TRERF1: variants seen among roughly 807,000 people sequenced by gnomAD.
TRERF1 encodes transcriptional-regulating factor 1.
Under a neutral mutation model 122.9 loss-of-function variants are expected in TRERF1, and 27 were observed. That is an observed-to-expected ratio of 0.22 (90% CI 0.16 to 0.30). The LOEUF (loss-of-function observed/expected upper bound fraction) is 0.30. Ranked by LOEUF, TRERF1 falls within the 10% of genes least tolerant of loss-of-function variation. The pLI is 1.00. For missense variants in TRERF1, 1,248 were observed against 1,560.3 expected (o/e 0.80, Z 3.37); for synonymous variants, 636 against 641.7 (o/e 0.99, Z 0.13).
exon 18 of TRERF1, chr6:42,227,545 A>G (rs974256422): frequency 6.6e-6 from 1 of 152,222 alleles, no homozygotes; most frequent in Non-Finnish European, 1.5e-5. Context: ...TTGCCTCCAG[A>G]TGGGTCTCTA....
chr6:42,310,140 G>A (rs1582958112), intron 3 of TRERF1, among the ~76,000 whole-genome samples: 1 of 152,204 alleles, frequency 6.6e-6, no homozygotes, highest in East Asian at 1.9e-4. Flanking sequence ...GCCTCACTCT[G>A]TCACCCAGGC....
intron 2 of TRERF1, among the ~76,000 whole-genome samples, chr6:42,389,893 T>A (rs1162279228): frequency 1.3e-5 from 2 of 152,226 alleles, no homozygotes; most frequent in African/African-American, 2.4e-5. Context: ...AGAAGCTAGT[T>A]GTCTAAAGGA....
Position 42,263,652 on chromosome 6 carries a change from A to C in TRERF1, c.1636-84T>G. ...CACTTTGCTTTTCCCGAAAGGTTCCAGGACATCAGGTATGGGTGATAGAGA... is the reference window on the plus strand; with the variant it reads ...CACTTTGCTTTTCCCGAAAGGTTCCCGGACATCAGGTATGGGTGATAGAGA... On this transcript the variant is annotated intron_variant, in intron 7 of 17. Coordinates refer to ENST00000372922, the Ensembl canonical transcript of TRERF1. This position sits in a 1 kb window ranked among gnomAD's most constrained non-coding sequence, Gnocchi z 5.6. The C allele has an allele frequency of 7.1e-7, 1 of 1,401,432 alleles. No individual in the cohort carries two copies. Among genetic ancestry groups the C allele is most frequent in the Non-Finnish European group, 9.3e-7 (1 of 1,073,852 alleles). 86.8% of individuals were successfully genotyped at this position (1,401,432 alleles called of 1,614,324 possible).
At chr6:42,391,232 A>C (rs1777687171) in intron 2 of TRERF1, among the ~76,000 whole-genome samples, 1 of 152,180 alleles carries the variant, frequency 6.6e-6, no homozygotes. Context: ...GCTCAGCTAC[A>C]CTGGACTGCA....
intron 2 of TRERF1, among the ~76,000 whole-genome samples, chr6:42,414,444 T>C (rs1781550460): frequency 6.6e-6 from 1 of 152,232 alleles, no homozygotes; most frequent in Non-Finnish European, 1.5e-5. Flanking sequence ...TATCGTTTTG[T>C]GCGTTTTCTT....
At chr6:42,338,893 T>G (rs988015750) in intron 3 of TRERF1, among the ~76,000 whole-genome samples, 20 of 152,206 alleles carry the variant, frequency 1.3e-4, no homozygotes, top group African/African-American at 4.1e-4. Context: ...ATCTTTATAT[T>G]TTTTTCACAA....
intron 3 of TRERF1, among the ~76,000 whole-genome samples, chr6:42,316,650 T>G (rs1365539639): frequency 6.6e-6 from 1 of 152,184 alleles, no homozygotes; most frequent in Non-Finnish European, 1.5e-5. Context: ...TAGTTTATTG[T>G]TTTAACTTTG....
intron 2 of TRERF1, among the ~76,000 whole-genome samples, chr6:42,387,149 A>T (rs1776938964): frequency 6.6e-6 from 1 of 152,346 alleles, no homozygotes; most frequent in South Asian, 2.1e-4. Context: ...TATACACAGG[A>T]TCTAAGAATT....
chr6:42,300,788 A>G (rs192147475), intron 3 of TRERF1, 39 bp from the exon 4 acceptor site: 2 of 152,670 alleles, frequency 1.3e-5, no homozygotes, highest in Admixed American at 1.3e-4. Context: ...TTTCCTCATC[A>G]TTTGCTCCTA....
intron 2 of TRERF1, among the ~76,000 whole-genome samples, chr6:42,368,397 C>G (rs182870636): frequency 1.4e-4 from 21 of 152,210 alleles, no homozygotes; most frequent in Admixed American, 9.8e-4. Flanking sequence ...CCTCGCCCCC[C>G]CAAGTTAGGT....
chr6:42,233,717 A>C (rs1771369108), intron 16 of TRERF1, among the ~76,000 whole-genome samples: 1 of 152,216 alleles, frequency 6.6e-6, no homozygotes, highest in Admixed American at 6.5e-5. Flanking sequence ...AGTTAAAAGC[A>C]GAGGTGCTCT....
At position 42,271,603 on chromosome 6, in the gene TRERF1, C is replaced by A. The variant is rs185391471; in HGVS notation, c.-258-1755G>T. On this transcript the variant is annotated intron_variant, in intron 4 of 17. Coordinates refer to ENST00000372922, the Ensembl canonical transcript of TRERF1. Reference sequence around the variant, plus strand: ...GTTTATTTTAAAAAGTCACCCCCCCCAAAAAAAGTTACCCAGTACCACCAT... The same window carrying A: ...GTTTATTTTAAAAAGTCACCCCCCCAAAAAAAAGTTACCCAGTACCACCAT... Among the ~76,000 whole-genome samples the A allele has an allele frequency of 1.1e-3, 162 of 152,050 alleles. 1 individual carries two copies. Among genetic ancestry groups the A allele is most frequent in the Non-Finnish European group, 1.5e-3 (104 of 67,968 alleles).
intron 2 of TRERF1, among the ~76,000 whole-genome samples, chr6:42,446,165 C>T (rs536650753): frequency 1.8e-3 from 268 of 152,342 alleles, no homozygotes; most frequent in African/African-American, 5.9e-3. Context: ...CCACCCGCTT[C>T]GGCCTCCCGA....
chr6:42,434,708 A>C (rs925549276), intron 2 of TRERF1, among the ~76,000 whole-genome samples: 1 of 147,022 alleles, frequency 6.8e-6, no homozygotes, highest in Non-Finnish European at 1.5e-5. Flanking sequence ...ACACACACAC[A>C]CACCCCTAAT....
chr6:42,440,972 C>T (rs1786410021), intron 2 of TRERF1, among the ~76,000 whole-genome samples: 1 of 152,162 alleles, frequency 6.6e-6, no homozygotes, highest in Non-Finnish European at 1.5e-5. Flanking sequence ...CGAGCTCTGC[C>T]TACATTACCA....
At chr6:42,339,171 C>T (rs951019816) in intron 3 of TRERF1, among the ~76,000 whole-genome samples, 57 of 152,330 alleles carry the variant, frequency 3.7e-4, no homozygotes, top group African/African-American at 9.9e-4. Context: ...ACCAGATAAC[C>T]ACTGCCTCTA....
chr6:42,315,709 C>G (rs1055315052), intron 3 of TRERF1, among the ~76,000 whole-genome samples: 1 of 147,472 alleles, frequency 6.8e-6, no homozygotes, highest in African/African-American at 2.5e-5. Context: ...GAACACCACC[C>G]CCCCCCCCAC....
intron 2 of TRERF1, among the ~76,000 whole-genome samples, chr6:42,378,689 T>C (rs1353336564): frequency 1.3e-5 from 2 of 152,314 alleles, no homozygotes; most frequent in South Asian, 2.1e-4. Context: ...ATTCTTATTT[T>C]ATACATGAGG....
In TRERF1 at chr6:42,269,818, C is replaced by G; in HGVS notation, c.-228G>C. ...CTCCCTGGCTGAGGTATAGACCACA[C>G]AGCACTGTGGTGAGGAGACGTCGCT... On this transcript the variant is annotated 5_prime_UTR_variant, in exon 5 of 18. Transcript: ENST00000372922. The surrounding 1 kb of genome is among the most constrained non-coding windows in gnomAD (Gnocchi z 4.9). The G allele has an allele frequency of 5.7e-6, 7 of 1,235,352 alleles. No individual in the cohort carries two copies. The highest frequency in any genetic ancestry group is 7.6e-6 in the Non-Finnish European group (7 of 925,176). The allele number at this position is 1,235,352 out of a possible 1,614,324, so 76.5% of individuals were successfully genotyped here.
Sources: allele counts gnomAD v4.1 joint callset (sites outside exome capture counted in the v4.1 genomes callset), GRCh38; gene constraint gnomAD v4.1.1; non-coding constraint Gnocchi (gnomAD v3.1); transcripts MANE v1.5; gene names NCBI Gene and HGNC (gene_info 2026-07-23, HGNC 2026-07-21).